DPF3: variants seen among roughly 807,000 people sequenced by gnomAD.
The protein encoded by DPF3 is double PHD fingers 3, also known as zinc finger protein DPF3.
DPF3 carries 18 observed loss-of-function variants against 56.8 expected under a neutral mutation model. The ratio of observed to expected loss-of-function variants is 0.32; its 90% confidence interval spans 0.22 to 0.47. The LOEUF is 0.47. Among genes scored for constraint, DPF3 ranks in the 20% least tolerant of loss-of-function variants. The pLI, the probability that DPF3 is intolerant of heterozygous loss-of-function variation, is 1.00. For missense variants in DPF3, 403 were observed against 488.8 expected (o/e 0.82, Z 1.65); for synonymous variants, 188 against 180.2 (o/e 1.04, Z -0.35).
Position 72,661,629 on chromosome 14 carries a change from T to C in DPF3, c.871+12611A>G, listed in dbSNP as rs1886216057. On this transcript the variant is annotated intron_variant, in intron 8 of 10. Coordinates refer to ENST00000556509, the MANE Select transcript of DPF3 (RefSeq NM_001280542.3). ...GGCCAAAACGCCCACTTCCGCCAGC[T>C]CAGCCAGAAAGGGCCATGTTAGAAC... is the stretch of plus-strand genomic sequence containing the variant. The C allele has an allele frequency of 4.1e-6, 4 of 985,270 alleles. No individual in the cohort carries two copies. The South Asian group carries it at 1.9e-4, about 46-fold the overall frequency. The allele number at this position is 985,270 out of a possible 1,614,324, so 61.0% of individuals were successfully genotyped here. A position where few individuals can be genotyped will look rare whatever the true frequency, so the allele number is the denominator to read the frequency against.
chr14:72,883,964 C>A (rs1337614897), intron 1 of DPF3, among the ~76,000 whole-genome samples: 1 of 151,242 alleles, frequency 6.6e-6, no homozygotes, highest in Non-Finnish European at 1.5e-5. Flanking sequence ...AGAATCCATT[C>A]TTGCCACTGA....
intron 3 of DPF3, among the ~76,000 whole-genome samples, chr14:72,740,430 G>A (rs1890076498): frequency 6.6e-6 from 1 of 152,174 alleles, no homozygotes; most frequent in Non-Finnish European, 1.5e-5. Context: ...CTTGGGGAGG[G>A]AGCTATGCAC....
intron 7 of DPF3, among the ~76,000 whole-genome samples, chr14:72,688,186 A>ATGGATGGATGGG (rs1887500475): frequency 1.2e-5 from 1 of 80,092 alleles, no homozygotes; most frequent in African/African-American, 4.7e-5. Context: ...GGATGGATGG[A>ATGGATGGATGGG]TGGATGGGTG....
At chr14:72,893,622 G>A (rs1229194301) in intron 1 of DPF3, among the ~76,000 whole-genome samples, 3 of 151,676 alleles carry the variant, frequency 2.0e-5, no homozygotes, top group Admixed American at 2.0e-4. Context: ...TCGGGGGCGC[G>A]GGGCTCGGCC....
rs1033682824 is a variant in DPF3 at position 72,630,623 on chromosome 14, A to C, written c.872-887T>G. ...GACGGCCATGAACTGTAGAATGCAA[A>C]GACCCTTGGCCTTCTATGTGGCATG... On this transcript the variant is annotated intron_variant, in intron 8 of 10. Coordinates refer to ENST00000556509, the MANE Select transcript of DPF3 (RefSeq NM_001280542.3). Among the ~76,000 whole-genome samples the C allele has an allele frequency of 1.1e-4, 16 of 152,292 alleles. 1 individual carries two copies. In the South Asian group the frequency reaches 3.3e-3, roughly 32 times the overall value.
chr14:72,883,887 A>G (rs2078435), intron 1 of DPF3, among the ~76,000 whole-genome samples: 18,558 of 149,322 alleles, frequency 0.12, 1,244 homozygotes, highest in East Asian at 0.15. Context: ...AGATCACGCC[A>G]CTGCACTCCA....
At chr14:72,722,785 T>C (rs1420563486) in intron 5 of DPF3, among the ~76,000 whole-genome samples, 5 of 152,204 alleles carry the variant, frequency 3.3e-5, no homozygotes, top group African/African-American at 4.8e-5. Flanking sequence ...GAAAGCCCCT[T>C]CGGGCGTGAA....
intron 1 of DPF3, among the ~76,000 whole-genome samples, chr14:72,795,762 A>C (rs916896934): frequency 4.6e-5 from 7 of 152,202 alleles, no homozygotes; most frequent in Non-Finnish European, 1.0e-4. Flanking sequence ...ATCTAGAGAC[A>C]TGATCAAAAT....
At chr14:72,694,935 T>A (rs780181355) in intron 6 of DPF3, among the ~76,000 whole-genome samples, 10 of 152,198 alleles carry the variant, frequency 6.6e-5, no homozygotes, top group Non-Finnish European at 1.3e-4. Context: ...TCCTAATATT[T>A]CCTATTATTG....
At chr14:72,753,693 T>A (rs1292799686) in intron 2 of DPF3, among the ~76,000 whole-genome samples, 1 of 152,088 alleles carries the variant, frequency 6.6e-6, no homozygotes, top group African/African-American at 2.4e-5. Context: ...CTTTGCAGTG[T>A]CTCCAAAGCA....
chr14:72,764,111 G>A lies in DPF3; in HGVS notation c.193+7622C>T, dbSNP rs1447602912. ...GACCTGCTGGATAGCCTCTGGATAAGGGATTATAAACAGCGGAGCCAACCA... is the reference window on the plus strand; with the variant it reads ...GACCTGCTGGATAGCCTCTGGATAAAGGATTATAAACAGCGGAGCCAACCA... On this transcript the variant is annotated intron_variant, in intron 2 of 10. Transcript: ENST00000556509. Among the ~76,000 whole-genome samples, 3 of 152,316 alleles carry A rather than the reference G, an allele frequency of 2.0e-5. No individual in the cohort carries two copies. In the East Asian group the frequency reaches 5.8e-4, roughly 29 times the overall value.
chr14:72,850,979 A>G (rs934835021), intron 1 of DPF3, among the ~76,000 whole-genome samples: 1 of 152,202 alleles, frequency 6.6e-6, no homozygotes, highest in Non-Finnish European at 1.5e-5. Flanking sequence ...CTAAAGGGGC[A>G]GCAGCTGCTG....
chr14:72,619,751 G>A (rs143552905), intron 10 of DPF3, among the ~76,000 whole-genome samples, 152 bp downstream of exon 10: 14 of 152,272 alleles, frequency 9.2e-5, no homozygotes, highest in East Asian at 1.9e-4. Context: ...GGCAGTCGTC[G>A]TACCTACCTT....
rs1301513969 is a variant in DPF3, at chr14:72,609,899, G to A, written c.*9398C>T. ...GGTCTGAAGTACCAAAGCAGCCCAA[G>A]GCAAAACCTCATCTGCAAGAGGCAA... On this transcript the variant is annotated 3_prime_UTR_variant, in exon 11 of 11. Coordinates refer to ENST00000556509, the MANE Select transcript of DPF3 (RefSeq NM_001280542.3). 6.6e-6 allele frequency among the ~76,000 whole-genome samples: 1 copy of A among 152,192 alleles called. No individual in the cohort carries two copies. Among genetic ancestry groups the A allele is most frequent in the Admixed American group, 6.5e-5 (1 of 15,290 alleles).
At chr14:72,765,237 A>C (rs1022248742) in intron 2 of DPF3, among the ~76,000 whole-genome samples, 1 of 152,228 alleles carries the variant, frequency 6.6e-6, no homozygotes, top group East Asian at 1.9e-4. Context: ...AAAAATTTTC[A>C]AACTGACCAC....
At chr14:72,798,173 G>A (rs1370094569) in intron 1 of DPF3, among the ~76,000 whole-genome samples, 1 of 135,454 alleles carries the variant, frequency 7.4e-6, no homozygotes, top group African/African-American at 2.7e-5. Flanking sequence ...AGAATTGATT[G>A]AACCCGGGAG....
At chr14:72,662,841 G>C in intron 8 of DPF3, 1 of 984,764 alleles carries the variant, frequency 1.0e-6, no homozygotes, top group South Asian at 4.7e-5. Context: ...TGACTGCAGA[G>C]GGAAAGGCAA....
intron 1 of DPF3, among the ~76,000 whole-genome samples, chr14:72,784,036 T>C (rs1023475783): frequency 6.6e-6 from 1 of 151,980 alleles, no homozygotes; most frequent in African/African-American, 2.4e-5. Context: ...CCTGTCAGAG[T>C]TGGTTAAAAT....
At chr14:72,876,652 C>T (rs550086293) in intron 1 of DPF3, among the ~76,000 whole-genome samples, 30 of 152,294 alleles carry the variant, frequency 2.0e-4, no homozygotes, top group South Asian at 6.2e-4. Flanking sequence ...ATCGCTCAAA[C>T]GCCTCACGTC....
Sources: allele counts gnomAD v4.1 joint callset (sites outside exome capture counted in the v4.1 genomes callset), GRCh38; gene constraint gnomAD v4.1.1; transcripts MANE v1.5; gene names NCBI Gene and HGNC (gene_info 2026-07-23, HGNC 2026-07-21).